NAALADL2: variants seen among roughly 807,000 people sequenced by gnomAD.
NAALADL2 encodes inactive N-acetylated-alpha-linked acidic dipeptidase-like protein 2.
Under a neutral mutation model 87.2 loss-of-function variants are expected in NAALADL2, and 76 were observed. The observed-to-expected ratio is 0.87, with a 90% CI of 0.72 to 1.05. NAALADL2 has a LOEUF of 1.05. NAALADL2 is among the 50% of genes least tolerant of loss of function. The pLI is 0.00. For synonymous variants in NAALADL2, 354 were observed against 331.0 expected (o/e 1.07, Z -0.75); for missense variants, 1,089 against 945.8 (o/e 1.15, Z -1.99).
At chr3:175,165,064 G>C (rs952030803) in intron 2 of NAALADL2, among the ~76,000 whole-genome samples, 3 of 152,214 alleles carry the variant, frequency 2.0e-5, no homozygotes, top group Admixed American at 2.0e-4. Context: ...GGGTGAATGT[G>C]CTATATCTGT....
chr3:174,830,173 A>G (rs370523081), intron 3 of NAALADL2, among the ~76,000 whole-genome samples: 23 of 137,232 alleles, frequency 1.7e-4, no homozygotes, highest in East Asian at 1.3e-3. Flanking sequence ...TTGGTGTTTT[A>G]GACATGAAGT....
intron 2 of NAALADL2, among the ~76,000 whole-genome samples, chr3:175,116,499 T>A (rs1286464590): frequency 6.6e-6 from 1 of 151,850 alleles, no homozygotes; most frequent in Non-Finnish European, 1.5e-5. Context: ...TCAAAGAGAA[T>A]AAAATACCTA....
At chr3:175,487,282 C>T (rs576210201) in intron 9 of NAALADL2, among the ~76,000 whole-genome samples, 3 of 152,222 alleles carry the variant, frequency 2.0e-5, no homozygotes, top group South Asian at 2.1e-4. Context: ...TATCATAGCA[C>T]GTATAATATT....
At chr3:175,458,614 G>A (rs913213980) in intron 6 of NAALADL2, among the ~76,000 whole-genome samples, 2 of 149,104 alleles carry the variant, frequency 1.3e-5, no homozygotes, top group Non-Finnish European at 3.0e-5. Flanking sequence ...AAAACCATGA[G>A]AACATATCAA....
chr3:174,502,081 A>G (rs1718934672), intron 1 of NAALADL2, among the ~76,000 whole-genome samples: 1 of 152,170 alleles, frequency 6.6e-6, no homozygotes, highest in African/African-American at 2.4e-5. Flanking sequence ...GAAGGAAAAT[A>G]GAGAAGCTTA....
intron 1 of NAALADL2, among the ~76,000 whole-genome samples, chr3:174,903,376 T>G (rs577535249): frequency 1.3e-5 from 2 of 152,182 alleles, no homozygotes; most frequent in African/African-American, 2.4e-5. Flanking sequence ...TTTTAGAAAT[T>G]TATTAATTTG....
At chr3:175,477,733 T>G (rs564981864) in intron 9 of NAALADL2, among the ~76,000 whole-genome samples, 1 of 152,286 alleles carries the variant, frequency 6.6e-6, no homozygotes, top group Admixed American at 6.5e-5. Flanking sequence ...CAATGTGAGA[T>G]GAACAGTCCA....
chr3:175,555,994 T>C (rs1353077355), intron 9 of NAALADL2, among the ~76,000 whole-genome samples: 1 of 152,160 alleles, frequency 6.6e-6, no homozygotes, highest in Non-Finnish European at 1.5e-5. Context: ...AGAAGCCATT[T>C]TGAAGGATTG....
Position 175,808,944 on chromosome 3 carries a change from C to T in NAALADL2, c.*5741C>T, listed in dbSNP as rs1754932612. 6.6e-6 allele frequency: 1 copy of T among 151,890 alleles called. No homozygotes were observed. Among genetic ancestry groups the T allele is most frequent in the Non-Finnish European group, 1.5e-5 (1 of 67,910 alleles). The allele number at this position is 151,890 out of a possible 1,614,324, so 9.4% of individuals were successfully genotyped here. A position where few individuals can be genotyped will look rare whatever the true frequency, so the allele number is the denominator to read the frequency against. The stretch of plus-strand genomic sequence containing the variant: ...CTGCTCAGTAATCATAACTCTCCAA[C>T]TTCTTCAAAGGGCCTTTATTCAATA... On this transcript the variant is annotated 3_prime_UTR_variant, in exon 14 of 14. Transcript: ENST00000454872.
chr3:174,800,544 C>A (rs1718699913), intron 3 of NAALADL2, among the ~76,000 whole-genome samples: 1 of 152,140 alleles, frequency 6.6e-6, no homozygotes. Flanking sequence ...CATGGAGAAC[C>A]TCTGCTAGGG....
chr3:175,320,130 T>C (rs574461804), intron 4 of NAALADL2, among the ~76,000 whole-genome samples: 80 of 152,304 alleles, frequency 5.3e-4, no homozygotes, highest in African/African-American at 1.9e-3. Flanking sequence ...TCTAATTACT[T>C]TTCCTCTCTC....
At chr3:175,047,944 G>A (rs1034711002) in intron 1 of NAALADL2, among the ~76,000 whole-genome samples, 2 of 152,140 alleles carry the variant, frequency 1.3e-5, no homozygotes. Flanking sequence ...ATTTCACAGA[G>A]CATTTCCCAC....
At chr3:175,730,027 T>G (rs1743462575) in intron 11 of NAALADL2, among the ~76,000 whole-genome samples, 1 of 152,036 alleles carries the variant, frequency 6.6e-6, no homozygotes, top group Non-Finnish European at 1.5e-5. Flanking sequence ...CAACCATGCT[T>G]GTGGCTAAAG....
chr3:174,500,495 T>A (rs543441806), intron 1 of NAALADL2, among the ~76,000 whole-genome samples: 1 of 152,148 alleles, frequency 6.6e-6, no homozygotes, highest in Non-Finnish European at 1.5e-5. Flanking sequence ...TAATGTTATA[T>A]CAAAGTTGGA....
intron 1 of NAALADL2, among the ~76,000 whole-genome samples, chr3:175,088,943 G>A (rs1203231885): frequency 6.6e-6 from 1 of 152,148 alleles, no homozygotes; most frequent in East Asian, 1.9e-4. Flanking sequence ...TCTGAAAACA[G>A]GTCGGCAGCA....
At chr3:174,448,038 A>G (rs1048883962) in intron 1 of NAALADL2, among the ~76,000 whole-genome samples, 3 of 152,132 alleles carry the variant, frequency 2.0e-5, no homozygotes, top group Non-Finnish European at 4.4e-5. Context: ...CTGATCTTTT[A>G]GATTTGTGGG....
At chr3:174,675,511 C>G (rs943701094) in intron 2 of NAALADL2, among the ~76,000 whole-genome samples, 2 of 152,020 alleles carry the variant, frequency 1.3e-5, no homozygotes, top group African/African-American at 2.4e-5. Flanking sequence ...TGTGTGCTCA[C>G]AGCAAATACT....
intron 4 of NAALADL2, among the ~76,000 whole-genome samples, chr3:175,289,133 T>A (rs1008531236): frequency 1.5e-5 from 1 of 65,706 alleles, no homozygotes; most frequent in African/African-American, 5.5e-5. Flanking sequence ...TATGATGCAA[T>A]AATTAGAAAA....
At chr3:174,643,900 G>A (rs190234624) in intron 2 of NAALADL2, among the ~76,000 whole-genome samples, 23 of 152,286 alleles carry the variant, frequency 1.5e-4, no homozygotes, top group African/African-American at 5.1e-4. Context: ...GGAAGACAGA[G>A]CAGCAGTTGA....
Sources: allele counts gnomAD v4.1 joint callset (sites outside exome capture counted in the v4.1 genomes callset), GRCh38; gene constraint gnomAD v4.1.1; transcripts MANE v1.5; gene names NCBI Gene and HGNC (gene_info 2026-07-23, HGNC 2026-07-21).